Variants in PCDH15 observed in about 807,000 individuals in gnomAD.
PCDH15 encodes protocadherin-15.
In PCDH15, 129 loss-of-function variants were observed where a neutral mutation model predicts 178.5. The observed-to-expected ratio is 0.72, with a 90% CI of 0.63 to 0.84. PCDH15 has a LOEUF of 0.84. Ranked by LOEUF, PCDH15 falls within the 40% of genes least tolerant of loss-of-function variation. The pLI is 0.00. For missense variants in PCDH15, 2,230 were observed against 2,099.9 expected (o/e 1.06, Z -1.21); for synonymous variants, 800 against 732.0 (o/e 1.09, Z -1.50).
chr10:55,115,615 T>C (rs991474289), intron 2 of PCDH15, among the ~76,000 whole-genome samples: 1 of 152,170 alleles, frequency 6.6e-6, no homozygotes, highest in Non-Finnish European at 1.5e-5. Context: ...TAAAATGGGC[T>C]GGAAAGTCCA....
intron 2 of PCDH15, among the ~76,000 whole-genome samples, chr10:54,937,816 T>C (rs1307338391): frequency 8.5e-5 from 13 of 152,056 alleles, no homozygotes; most frequent in Non-Finnish European, 1.9e-4. Context: ...TACTTAAAAA[T>C]TTCTTATTCC....
At chr10:54,542,081 C>T (rs965541638) in intron 2 of PCDH15, among the ~76,000 whole-genome samples, 29 of 152,060 alleles carry the variant, frequency 1.9e-4, no homozygotes, top group Admixed American at 1.6e-3. Flanking sequence ...TAAATATGTC[C>T]TTAGCTGTCC....
intron 1 of PCDH15, among the ~76,000 whole-genome samples, chr10:54,791,015 A>T (rs1405540625): frequency 6.6e-6 from 1 of 151,866 alleles, no homozygotes; most frequent in Non-Finnish European, 1.5e-5. Context: ...CAACAAAAAT[A>T]CTCAAAATAC....
chr10:54,680,930 T>A (rs2094888702), intron 1 of PCDH15, among the ~76,000 whole-genome samples: 1 of 151,864 alleles, frequency 6.6e-6, no homozygotes, highest in Non-Finnish European at 1.5e-5. Context: ...ATTGCTAGGG[T>A]ATTAAAGGAA....
At chr10:54,308,406 C>T (rs1389604232) in intron 8 of PCDH15, among the ~76,000 whole-genome samples, 2 of 152,076 alleles carry the variant, frequency 1.3e-5, no homozygotes, top group Non-Finnish European at 1.5e-5. Flanking sequence ...ACTAAACTAA[C>T]GAACTCAATT....
At chr10:53,808,997 G>T in intron 37 of PCDH15, 1 of 1,569,338 alleles carries the variant, frequency 6.4e-7, no homozygotes, top group South Asian at 1.2e-5. Context: ...GGTTCTTTTT[G>T]TTCTTCTTGT....
At chr10:53,809,013 C>T (rs1364025291) in intron 37 of PCDH15, 2 of 1,585,158 alleles carry the variant, frequency 1.3e-6, no homozygotes, top group Non-Finnish European at 1.7e-6. Flanking sequence ...CTTGTGGCTC[C>T]TCTTTCCTAC....
intron 1 of PCDH15, among the ~76,000 whole-genome samples, chr10:54,739,756 A>T (rs757248580): frequency 2.6e-5 from 4 of 152,050 alleles, no homozygotes; most frequent in Non-Finnish European, 4.4e-5. Flanking sequence ...ACTCATTTCA[A>T]AAATGGTGCC....
chr10:54,603,491 CT>C (rs375185986), intron 2 of PCDH15, among the ~76,000 whole-genome samples: 2,076 of 142,778 alleles, frequency 0.015, 50 homozygotes, highest in African/African-American at 0.049. Flanking sequence ...TGAGATGTTT[CT>C]TTTTTTTTTT....
intron 2 of PCDH15, among the ~76,000 whole-genome samples, chr10:54,553,218 A>G (rs1380222925): frequency 1.3e-5 from 2 of 152,142 alleles, no homozygotes; most frequent in African/African-American, 2.4e-5. Context: ...GAGGAGAGCA[A>G]TGAACTGTAA....
chr10:54,406,717 A>G (rs1238528608), intron 3 of PCDH15, among the ~76,000 whole-genome samples: 6 of 152,072 alleles, frequency 3.9e-5, no homozygotes, highest in African/African-American at 1.4e-4. Context: ...ATGAAAAACA[A>G]AAGTTAACCT....
rs1229825053 is a variant in PCDH15 at position 54,757,511 on chromosome 10, G to A, written c.-29+43414C>T. On this transcript the variant is annotated intron_variant, in intron 1 of 37. Transcript: ENST00000644397. ...TCAGCCAGGATGGTCTCGATCTCCT[G>A]ACCTCGTGATCCGCCCGTCTCGGCC... Among the ~76,000 whole-genome samples, 6 of 33,466 alleles carry A rather than the reference G, an allele frequency of 1.8e-4. 2 individuals carry two copies. Among genetic ancestry groups the A allele is most frequent in the African/African-American group, 1.0e-3 (6 of 5,758 alleles). 22.0% of individuals were successfully genotyped at this position (33,466 alleles called of 152,430 possible).
At chr10:54,136,056 T>A (rs16905592) in intron 14 of PCDH15, among the ~76,000 whole-genome samples, 48,857 of 152,046 alleles carry the variant, frequency 0.32, 9,230 homozygotes, top group African/African-American at 0.52. Flanking sequence ...CTACATCCTT[T>A]ATAATACTGT....
intron 2 of PCDH15, among the ~76,000 whole-genome samples, chr10:54,548,978 A>G (rs2133134756): frequency 6.6e-6 from 1 of 151,826 alleles, no homozygotes; most frequent in East Asian, 1.9e-4. Context: ...TACTTTTTTC[A>G]ATTTATTAAC....
At chr10:55,280,284 T>C (rs1842695672) in intron 1 of PCDH15, among the ~76,000 whole-genome samples, 1 of 140,828 alleles carries the variant, frequency 7.1e-6, no homozygotes, top group Non-Finnish European at 1.5e-5. Context: ...TTTTTTTTTT[T>C]TTTTTTTTTT....
At chr10:55,618,083 G>A (rs1843514518) in intron 2 of PCDH15, among the ~76,000 whole-genome samples, 1 of 152,004 alleles carries the variant, frequency 6.6e-6, no homozygotes, top group African/African-American at 2.4e-5. Context: ...CAACAAGTTA[G>A]TGACATAGAA....
rs142287657 is a variant in PCDH15, at chr10:54,199,570, C to CAACAATAATAATAATAAT, written c.1099-3682_1099-3681insATTATTATTATTATTGTT. ...TGTTGAATTTAAACAACAACAACAA[C>CAACAATAATAATAATAAT]AATAATAATAATAATAATAATAATA... On this transcript the variant is annotated intron_variant, in intron 10 of 37. Coordinates refer to ENST00000644397, the MANE Select transcript of PCDH15 (RefSeq NM_001384140.1). Among the ~76,000 whole-genome samples, 275 of 142,518 alleles carry CAACAATAATAATAATAAT rather than the reference C, an allele frequency of 1.9e-3. 1 individual carries two copies. The Middle Eastern group carries it at 0.022, about 11-fold the overall frequency. 93.5% of individuals were successfully genotyped at this position (142,518 alleles called of 152,430 possible).
At chr10:54,289,954 C>T (rs986401743) in intron 8 of PCDH15, among the ~76,000 whole-genome samples, 2 of 152,074 alleles carry the variant, frequency 1.3e-5, no homozygotes, top group Non-Finnish European at 2.9e-5. Context: ...GAGAATGGAA[C>T]CAAGTTGGAA....
chr10:55,302,042 A>G (rs1843298047), intron 1 of PCDH15, among the ~76,000 whole-genome samples: 1 of 152,146 alleles, frequency 6.6e-6, no homozygotes, highest in African/African-American at 2.4e-5. Context: ...TTATTTTACA[A>G]AATTGTTTCA....
Sources: gnomAD v4.1 joint callset for allele counts (sites outside exome capture counted in the v4.1 genomes callset) on GRCh38, gnomAD v4.1.1 for gene constraint, MANE v1.5 for transcripts, NCBI Gene and HGNC (gene_info 2026-07-23, HGNC 2026-07-21) for gene names.